The following FOXP2 variants were observed in gnomAD, a reference collection of about 807,000 sequenced individuals.
The protein encoded by FOXP2 is forkhead box P2.
FOXP2 carries 12 observed loss-of-function variants against 115.8 expected under a neutral mutation model. That is an observed-to-expected ratio of 0.10 (90% confidence interval 0.07 to 0.17). The LOEUF (loss-of-function observed/expected upper bound fraction) is 0.17, where lower values mean the gene tolerates loss of function less well. FOXP2 is among the 10% of genes least tolerant of loss of function. FOXP2 has a pLI of 1.00. For synonymous variants in FOXP2, 328 were observed against 297.7 expected, an observed-to-expected ratio of 1.10 and a Z score of -1.05; for missense variants, 629 against 843.5, an observed-to-expected ratio of 0.75 and a Z score of 3.15.
intron 2 of FOXP2, among the ~76,000 whole-genome samples, chr7:114,371,944 A>T (rs981258489): frequency 3.3e-5 from 5 of 152,196 alleles, no homozygotes; most frequent in African/African-American, 1.2e-4. Context: ...TTATCTACAG[A>T]TATGTTCTAT....
chr7:114,119,355 G>A (rs977424845), intron 1 of FOXP2, among the ~76,000 whole-genome samples: 1 of 152,086 alleles, frequency 6.6e-6, no homozygotes, highest in South Asian at 2.1e-4. Flanking sequence ...TCTGATCATG[G>A]TGTATAAATG....
intron 2 of FOXP2, among the ~76,000 whole-genome samples, chr7:114,343,777 T>G (rs1791270089): frequency 6.6e-6 from 1 of 151,696 alleles, no homozygotes; most frequent in Non-Finnish European, 1.5e-5. Flanking sequence ...GTCACCTTCT[T>G]AATACAACTG....
chr7:114,680,294 A>G (rs1344550117), intron 16 of FOXP2, among the ~76,000 whole-genome samples: 3 of 152,200 alleles, frequency 2.0e-5, no homozygotes, highest in Admixed American at 2.0e-4. Context: ...GAAGTCTTCT[A>G]TTTCATGGAT....
In FOXP2 at chr7:114,659,816, T is replaced by C. The variant is rs1267321107; in HGVS notation, c.1647+143T>C. On this transcript the variant is annotated intron_variant, in intron 13 of 16. Coordinates refer to ENST00000350908, the MANE Select transcript of FOXP2 (RefSeq NM_014491.4). ...CCTCTTGAATGGAATGAATTCCCTCTCTCAAAATGACAAGTGAAAGAATAA... is the reference window on the plus strand; with the variant it reads ...CCTCTTGAATGGAATGAATTCCCTCCCTCAAAATGACAAGTGAAAGAATAA... 5 of 714,952 alleles carry C rather than the reference T, an allele frequency of 7.0e-6. No homozygotes were observed. The African/African-American group carries it at 8.9e-5, about 13-fold the overall frequency. The allele number at this position is 714,952 out of a possible 1,614,324, so 44.3% of individuals were successfully genotyped here.
At chr7:114,417,437 A>G (rs1040842897) in intron 1 of FOXP2, among the ~76,000 whole-genome samples, 2 of 151,982 alleles carry the variant, frequency 1.3e-5, no homozygotes, top group African/African-American at 4.8e-5. Flanking sequence ...GTTCATTAGC[A>G]GAATTGGGTA....
At chr7:114,359,371 G>A (rs991428316) in intron 2 of FOXP2, among the ~76,000 whole-genome samples, 1 of 152,218 alleles carries the variant, frequency 6.6e-6, no homozygotes, top group African/African-American at 2.4e-5. Context: ...CTCTGCTAGG[G>A]GAGCACAAAA....
intron 2 of FOXP2, among the ~76,000 whole-genome samples, chr7:114,328,264 T>C (rs1257375297): frequency 7.3e-6 from 1 of 136,934 alleles, no homozygotes; most frequent in Non-Finnish European, 1.5e-5. Flanking sequence ...TGAGACAGAG[T>C]CTTGCTCTGT....
At chr7:114,310,638 T>A (rs1797126309) in intron 2 of FOXP2, among the ~76,000 whole-genome samples, 1 of 152,130 alleles carries the variant, frequency 6.6e-6, no homozygotes, top group Admixed American at 6.5e-5. Context: ...TTTTCCTTTC[T>A]CCTCTTTAGA....
intron 2 of FOXP2, among the ~76,000 whole-genome samples, chr7:114,456,546 G>A (rs1006159004): frequency 1.3e-5 from 2 of 152,158 alleles, no homozygotes; most frequent in African/African-American, 4.8e-5. Context: ...GAAAGTGGGT[G>A]TCTTGGATTT....
chr7:114,461,675 C>G (rs2077063453), intron 2 of FOXP2, among the ~76,000 whole-genome samples: 1 of 152,010 alleles, frequency 6.6e-6, no homozygotes, highest in South Asian at 2.1e-4. Flanking sequence ...TTGCCATCTT[C>G]CATTTCTTCT....
chr7:114,497,837 G>A lies in FOXP2; in HGVS notation c.169-36780G>A, dbSNP rs181906072. On this transcript the variant is annotated intron_variant, in intron 2 of 16. Transcript: ENST00000350908. ...TTTATAGTGTTCAAATGACATTTAT[G>A]TTCATCATTTCATATTATCCTAAGA... 3.9e-5 allele frequency among the ~76,000 whole-genome samples: 6 copies of A among 152,150 alleles called. No individual in the cohort carries two copies. In the South Asian group the frequency reaches 1.0e-3, roughly 26 times the overall value.
At chr7:114,233,076 T>C (rs949735825) in intron 1 of FOXP2, among the ~76,000 whole-genome samples, 12 of 152,298 alleles carry the variant, frequency 7.9e-5, no homozygotes, top group Admixed American at 6.5e-4. Context: ...GAATACATAC[T>C]AGAGATCTGC....
At chr7:114,462,429 TGGCGCTATCTC>T (rs1795614950) in intron 2 of FOXP2, among the ~76,000 whole-genome samples, 1 of 140,180 alleles carries the variant, frequency 7.1e-6, no homozygotes, top group Non-Finnish European at 1.5e-5. Flanking sequence ...TGAAGTGCAT[TGGCGCTATCTC>T]GGCTCACTGC....
chr7:114,375,110 G>C (rs1792109640), intron 2 of FOXP2, among the ~76,000 whole-genome samples: 2 of 151,980 alleles, frequency 1.3e-5, no homozygotes, highest in African/African-American at 4.8e-5. Flanking sequence ...AAAAAAAATT[G>C]ATAAGGGTTG....
chr7:114,476,014 C>G (rs921772928), intron 2 of FOXP2, among the ~76,000 whole-genome samples: 1 of 151,456 alleles, frequency 6.6e-6, no homozygotes, highest in Non-Finnish European at 1.5e-5. Context: ...ATATCTATAT[C>G]AATTCAATAT....
chr7:114,115,044 A>G (rs1791365794), intron 1 of FOXP2, among the ~76,000 whole-genome samples: 1 of 152,028 alleles, frequency 6.6e-6, no homozygotes, highest in African/African-American at 2.4e-5. Context: ...CTAAGTGTCA[A>G]TTTAACTTAC....
In FOXP2 at chr7:114,629,161, A is replaced by G. The variant is rs949607872; in HGVS notation, c.396+484A>G. Among the ~76,000 whole-genome samples, 4 of 152,328 alleles carry G rather than the reference A, an allele frequency of 2.6e-5. No individual in the cohort carries two copies. The South Asian group carries it at 6.2e-4, about 24-fold the overall frequency. On this transcript the variant is annotated intron_variant, in intron 4 of 16. Coordinates refer to ENST00000350908, the MANE Select transcript of FOXP2 (RefSeq NM_014491.4). ...TTAGAAAGAGAAGAATCTATTTATT[A>G]TAATGAAATTAGGCAGCTGAGCCAC...
chr7:114,192,626 C>G (rs1793790302), intron 1 of FOXP2, among the ~76,000 whole-genome samples: 1 of 152,184 alleles, frequency 6.6e-6, no homozygotes, highest in African/African-American at 2.4e-5. Flanking sequence ...TTGTTTCATA[C>G]AGCAGTGTAT....
intron 2 of FOXP2, among the ~76,000 whole-genome samples, chr7:114,512,087 AT>A (rs1798105851): frequency 6.6e-6 from 1 of 152,106 alleles, no homozygotes; most frequent in African/African-American, 2.4e-5. Context: ...TAATTTGGAT[AT>A]TCTTTTTTGT....
Sources: gnomAD v4.1 joint callset for allele counts (sites outside exome capture counted in the v4.1 genomes callset) on GRCh38, gnomAD v4.1.1 for gene constraint, MANE v1.5 for transcripts, NCBI Gene and HGNC (gene_info 2026-07-23, HGNC 2026-07-21) for gene names.